SCN3A: variants seen among roughly 807,000 people sequenced by gnomAD.
The protein encoded by SCN3A is sodium channel protein type 3 subunit alpha.
In SCN3A, 60 loss-of-function variants were observed where a neutral mutation model predicts 187.6. The ratio of observed to expected loss-of-function variants is 0.32; its 90% CI spans 0.26 to 0.40. The LOEUF (loss-of-function observed/expected upper bound fraction) is 0.40. Among genes scored for constraint, SCN3A ranks in the 10% least tolerant of loss-of-function variants. The pLI is 1.00. For missense variants in SCN3A, 1,601 were observed against 2,428.2 expected, an observed-to-expected ratio of 0.66 and a Z score of 7.16; for synonymous variants, 788 against 829.2, an observed-to-expected ratio of 0.95 and a Z score of 0.85.
At chr2:165,177,097 T>C (rs1235006645) in intron 2 of SCN3A, among the ~76,000 whole-genome samples, 1 of 152,218 alleles carries the variant, frequency 6.6e-6, no homozygotes, top group Non-Finnish European at 1.5e-5. Flanking sequence ...CAGAAAAATC[T>C]ACCTATCTTT....
At chr2:165,121,919 GTC>G (rs1686698844) in intron 18 of SCN3A, among the ~76,000 whole-genome samples, 1 of 152,120 alleles carries the variant, frequency 6.6e-6, no homozygotes, top group Non-Finnish European at 1.5e-5. Context: ...AATTTTCCAA[GTC>G]TCTTTTTTGC....
intron 11 of SCN3A, among the ~76,000 whole-genome samples, chr2:165,149,446 A>T (rs1177406373): frequency 6.6e-6 from 1 of 152,152 alleles, no homozygotes; most frequent in Non-Finnish European, 1.5e-5. Flanking sequence ...AAGTGCTGGG[A>T]TTACAGGCGC....
chr2:165,184,027 A>G (rs1189895271), intron 2 of SCN3A, among the ~76,000 whole-genome samples: 1 of 152,186 alleles, frequency 6.6e-6, no homozygotes, highest in Non-Finnish European at 1.5e-5. Flanking sequence ...AGATTGACCG[A>G]TGAATTACCT....
intron 3 of SCN3A, 146 bp from the exon 4 acceptor site, chr2:165,170,694 T>C: frequency 1.6e-6 from 1 of 610,810 alleles, no homozygotes; most frequent in Non-Finnish European, 3.0e-6. Flanking sequence ...ACTACAAACA[T>C]GTTAGATGTT....
intron 3 of SCN3A, among the ~76,000 whole-genome samples, chr2:165,172,005 G>A (rs965780654): frequency 7.9e-5 from 12 of 151,950 alleles, no homozygotes; most frequent in Non-Finnish European, 1.2e-4. Context: ...CCTTTAACTA[G>A]GGGCTATATG....
intron 21 of SCN3A, among the ~76,000 whole-genome samples, chr2:165,107,740 C>A (rs932219386): frequency 5.9e-5 from 9 of 152,198 alleles, no homozygotes; most frequent in African/African-American, 1.9e-4. Context: ...GTAAAGGTAG[C>A]TCTACCACCT....
At chr2:165,153,280 A>G (rs1217796681) in intron 11 of SCN3A, among the ~76,000 whole-genome samples, 4 of 152,172 alleles carry the variant, frequency 2.6e-5, no homozygotes, top group Non-Finnish European at 1.5e-5. Flanking sequence ...CTCATATGTT[A>G]TACAAAAATT....
chr2:165,162,911 C>A (rs2105891023), intron 7 of SCN3A, 83 bp from the exon 8 acceptor site: 1 of 1,527,438 alleles, frequency 6.5e-7, no homozygotes, highest in Non-Finnish European at 9.1e-7. Context: ...TCTCTTTCCC[C>A]CATAAATGAT....
chr2:165,154,331 A>C (rs1172916701), intron 11 of SCN3A, 121 bp downstream of exon 11: 2 of 1,084,248 alleles, frequency 1.8e-6, no homozygotes, highest in African/African-American at 3.2e-5. Context: ...TTTTTTTTCT[A>C]ATGACAATGC....
chr2:165,191,060 G>GTTTTTT (rs58901959), intron 1 of SCN3A, among the ~76,000 whole-genome samples: 2 of 113,506 alleles, frequency 1.8e-5, no homozygotes, highest in Non-Finnish European at 3.5e-5. Context: ...ATTTTACGTT[G>GTTTTTT]TTTTTTTTTT....
intron 15 of SCN3A, among the ~76,000 whole-genome samples, chr2:165,135,408 A>T (rs1249984849): frequency 6.6e-6 from 1 of 152,126 alleles, no homozygotes; most frequent in African/African-American, 2.4e-5. Context: ...GGAAAATTCC[A>T]CAATTCAGTG....
chr2:165,097,711 C>A (rs1685424315), intron 22 of SCN3A, 187 bp from the exon 23 acceptor site: 2 of 738,924 alleles, frequency 2.7e-6, no homozygotes, highest in Non-Finnish European at 4.4e-6. Context: ...AACTAAAGAG[C>A]TAAGGTTTTA....
At position 165,088,955 on chromosome 2, in the gene SCN3A, A is replaced by G. The variant is rs1043441304; in HGVS notation, c.*1195T>C. On this transcript the variant is annotated 3_prime_UTR_variant, in exon 28 of 28. Coordinates refer to ENST00000283254, the MANE Select transcript of SCN3A (RefSeq NM_006922.4). ...AGCTTCAAATTATTCTGCTTGACAT[A>G]ATGGACAGAGCAGGTTGAATTCATT... is the stretch of plus-strand genomic sequence containing the variant. 2.6e-5 allele frequency: 4 copies of G among 152,588 alleles called. No homozygotes were observed. Among genetic ancestry groups the G allele is most frequent in the African/African-American group, 9.6e-5 (4 of 41,462 alleles). 9.5% of individuals were successfully genotyped at this position (152,588 alleles called of 1,614,324 possible). A position where few individuals can be genotyped will look rare whatever the true frequency, so the allele number is the denominator to read the frequency against.
Position 165,110,321 on chromosome 2 carries a change from G to T in SCN3A, c.3843+2564C>A, listed in dbSNP as rs1298159635. Among the ~76,000 whole-genome samples the T allele has an allele frequency of 2.0e-5, 3 of 152,140 alleles. No homozygotes were observed. The East Asian group carries it at 5.8e-4, about 29-fold the overall frequency. On this transcript the variant is annotated intron_variant, in intron 21 of 27. Coordinates refer to ENST00000283254, the MANE Select transcript of SCN3A (RefSeq NM_006922.4). The stretch of plus-strand genomic sequence containing the variant: ...AAAAATATTTATTGAATAAATGAAT[G>T]AATTTTAGGAAATTACAAAGATATG...
chr2:165,149,669 G>A (rs1688578143), intron 11 of SCN3A, among the ~76,000 whole-genome samples: 1 of 152,126 alleles, frequency 6.6e-6, no homozygotes, highest in African/African-American at 2.4e-5. Flanking sequence ...GATGTTTCCT[G>A]TCATCTCTCA....
intron 12 of SCN3A, among the ~76,000 whole-genome samples, chr2:165,143,483 G>A (rs1271125141): frequency 2.0e-5 from 3 of 152,150 alleles, no homozygotes; most frequent in Non-Finnish European, 2.9e-5. Flanking sequence ...TCACTCTTTG[G>A]AATGTATAAT....
chr2:165,090,703 G>A lies in SCN3A; in HGVS notation c.5450C>T (p.Ala1817Val). 6.2e-7 allele frequency: 1 copy of A among 1,614,072 alleles called. No homozygotes were observed. Residue 1817 changes from alanine (A) to valine (V), a missense_variant, in exon 28 of 28, where the codon GCA (alanine) becomes GTA (valine). Coordinates refer to ENST00000283254, the MANE Select transcript of SCN3A (RefSeq NM_006922.4). The surrounding 1 kb of genome is among the most constrained non-coding windows in gnomAD (Gnocchi z 4.0). The part of the protein sequence containing the change: ...FIEFSKLSDF[A>V]AALDPPLLIA... ...GAGAAGAGGAGGATCCAGGGCAGCT[G>A]CAAAATCAGAGAGTTTAGAGAACTC...
intron 1 of SCN3A, among the ~76,000 whole-genome samples, chr2:165,191,388 A>G (rs1460605616): frequency 6.6e-6 from 1 of 152,104 alleles, no homozygotes; most frequent in Non-Finnish European, 1.5e-5. Flanking sequence ...ACCCAGAAAA[A>G]AAGTCCCAAA....
chr2:165,101,407 T>A (rs1670194003), intron 21 of SCN3A, among the ~76,000 whole-genome samples: 1 of 152,156 alleles, frequency 6.6e-6, no homozygotes, highest in Admixed American at 6.5e-5. Context: ...ACCATTACCA[T>A]CACCTCTTTA....
Sources: gnomAD v4.1 joint callset for allele counts (sites outside exome capture counted in the v4.1 genomes callset) on GRCh38, gnomAD v4.1.1 for gene constraint, Gnocchi (gnomAD v3.1) non-coding constraint, MANE v1.5 for transcripts, NCBI Gene and HGNC (gene_info 2026-07-23, HGNC 2026-07-21) for gene names.